ADAMTS18: variants seen among roughly 807,000 people sequenced by gnomAD.
ADAMTS18 encodes the protein A disintegrin and metalloproteinase with thrombospondin motifs 18.
In ADAMTS18, 157 loss-of-function variants were observed where a neutral mutation model predicts 165.9. The observed-to-expected ratio is 0.95, with a 90% CI of 0.83 to 1.08. ADAMTS18 has a LOEUF of 1.08. Ranked by LOEUF, ADAMTS18 falls within the 50% of genes least tolerant of loss-of-function variation. The pLI is 0.00. For synonymous variants in ADAMTS18, 782 were observed against 578.2 expected, an observed-to-expected ratio of 1.35 and a Z score of -5.06; for missense variants, 2,040 against 1,534.0, an observed-to-expected ratio of 1.33 and a Z score of -5.51.
At chr16:77,384,953 A>C (rs2057085608) in intron 3 of ADAMTS18, among the ~76,000 whole-genome samples, 1 of 150,612 alleles carries the variant, frequency 6.6e-6, no homozygotes, top group Non-Finnish European at 1.5e-5. Context: ...TCTGTTGCCC[A>C]AGCTGGAATG....
intron 4 of ADAMTS18, 107 bp from the exon 5 acceptor site, chr16:77,364,488 C>T: frequency 7.8e-7 from 1 of 1,276,180 alleles, no homozygotes; most frequent in South Asian, 1.3e-5. Flanking sequence ...GTAACCAACA[C>T]ACCACCAATC....
At position 77,297,197 on chromosome 16, in the gene ADAMTS18, G is replaced by T. The variant is rs538735514; in HGVS notation, c.2801+92C>A. The T allele has an allele frequency of 4.6e-6, 7 of 1,520,120 alleles. No individual in the cohort carries two copies. The African/African-American group carries it at 5.5e-5, about 12-fold the overall frequency. The allele number at this position is 1,520,120 out of a possible 1,614,324, so 94.2% of individuals were successfully genotyped here. A position where few individuals can be genotyped will look rare whatever the true frequency, so the allele number is the denominator to read the frequency against. ...TCTACCTTTGAATCACTTTCCATTA[G>T]CAGTATTCACAGTGAGCTTTCATCA... On this transcript the variant is annotated intron_variant, in intron 18 of 22. Coordinates refer to ENST00000282849, the MANE Select transcript of ADAMTS18 (RefSeq NM_199355.4).
intron 3 of ADAMTS18, among the ~76,000 whole-genome samples, chr16:77,429,233 C>T (rs1292712131): frequency 6.6e-6 from 1 of 152,186 alleles, no homozygotes; most frequent in South Asian, 2.1e-4. Context: ...GGTACATATA[C>T]ACCATGGAAT....
chr16:77,330,504 G>A (rs374961112), intron 12 of ADAMTS18, among the ~76,000 whole-genome samples: 21 of 152,290 alleles, frequency 1.4e-4, no homozygotes, highest in South Asian at 1.0e-3. Context: ...TTACTCATCT[G>A]TGAAATAATT....
At chr16:77,339,736 T>G (rs7202576) in intron 11 of ADAMTS18, among the ~76,000 whole-genome samples, 17 of 151,886 alleles carry the variant, frequency 1.1e-4, no homozygotes, top group African/African-American at 4.1e-4. Flanking sequence ...GGCCCCAACA[T>G]TTCTATTAAC....
chr16:77,398,724 G>A (rs181932469), intron 3 of ADAMTS18, among the ~76,000 whole-genome samples: 6 of 152,184 alleles, frequency 3.9e-5, no homozygotes, highest in Non-Finnish European at 5.9e-5. Flanking sequence ...TACACACCCC[G>A]AAATATGATA....
intron 6 of ADAMTS18, among the ~76,000 whole-genome samples, chr16:77,362,763 A>T (rs971326672): frequency 6.6e-6 from 1 of 152,180 alleles, no homozygotes; most frequent in Admixed American, 6.5e-5. Flanking sequence ...GAGAGGACCT[A>T]CCCTTAAAAT....
chr16:77,389,966 A>G (rs2057163663), intron 3 of ADAMTS18, among the ~76,000 whole-genome samples: 1 of 152,244 alleles, frequency 6.6e-6, no homozygotes, highest in Non-Finnish European at 1.5e-5. Flanking sequence ...ACTGATGTTC[A>G]GCCAACACTG....
intron 3 of ADAMTS18, among the ~76,000 whole-genome samples, chr16:77,403,912 C>A (rs1271654589): frequency 6.6e-6 from 1 of 152,104 alleles, no homozygotes; most frequent in African/African-American, 2.4e-5. Context: ...AGAGGGTTGG[C>A]TGGGAAGGAA....
chr16:77,291,231 T>C (rs753045901), intron 21 of ADAMTS18, 35 bp downstream of exon 21: 23 of 1,611,032 alleles, frequency 1.4e-5, no homozygotes, highest in Non-Finnish European at 1.7e-5. Context: ...GACATCTCAC[T>C]TGAATAGACA....
chr16:77,320,115 T>C, intron 15 of ADAMTS18, 22 bp from the exon 16 acceptor site: 1 of 1,613,984 alleles, frequency 6.2e-7, no homozygotes, highest in African/African-American at 1.3e-5. Flanking sequence ...GAAGAGAACA[T>C]GTCTGAATTC....
chr16:77,299,763 C>G lies in ADAMTS18; in HGVS notation c.2674+500G>C, dbSNP rs16945480. On this transcript the variant is annotated intron_variant, in intron 17 of 22. Transcript: ENST00000282849. The stretch of plus-strand genomic sequence containing the variant: ...TTGCAAGGGTTGTCTCAGATTTAAT[C>G]CATTCCTCTAGTGAGAGAACCTTTG... Among the ~76,000 whole-genome samples the G allele has an allele frequency of 5.7e-3, 862 of 152,304 alleles. 10 individuals are homozygous for G. Among genetic ancestry groups the G allele is most frequent in the African/African-American group, 0.02 (836 of 41,546 alleles).
chr16:77,374,048 A>G (rs1259666532), intron 3 of ADAMTS18, among the ~76,000 whole-genome samples: 1 of 152,022 alleles, frequency 6.6e-6, no homozygotes, highest in African/African-American at 2.4e-5. Context: ...GTGAAACCTC[A>G]TCTCTACTAA....
chr16:77,348,418 C>T (rs62043573), intron 10 of ADAMTS18, among the ~76,000 whole-genome samples: 11 of 151,984 alleles, frequency 7.2e-5, no homozygotes, highest in South Asian at 6.2e-4. Context: ...GTCTCCCATC[C>T]GAGGCAGGCA....
At chr16:77,393,056 T>C (rs557813504) in intron 3 of ADAMTS18, among the ~76,000 whole-genome samples, 48 of 152,302 alleles carry the variant, frequency 3.2e-4, no homozygotes, top group African/African-American at 1.1e-3. Flanking sequence ...CTGGTCATGA[T>C]TTCACTGAAA....
At chr16:77,425,617 G>A (rs993652388) in intron 3 of ADAMTS18, among the ~76,000 whole-genome samples, 1 of 152,126 alleles carries the variant, frequency 6.6e-6, no homozygotes, top group Non-Finnish European at 1.5e-5. Context: ...CTTAAGCAAG[G>A]GGTGCATTTC....
intron 20 of ADAMTS18, among the ~76,000 whole-genome samples, chr16:77,292,024 G>T (rs2055373622): frequency 6.6e-6 from 1 of 152,206 alleles, no homozygotes; most frequent in African/African-American, 2.4e-5. Flanking sequence ...TATCCTTTTA[G>T]GCTGGGTGCA....
rs7187772 is a variant in ADAMTS18, at chr16:77,360,967, A to T, written c.1216+1138T>A. 8.3e-3 allele frequency among the ~76,000 whole-genome samples: 1,264 copies of T among 152,030 alleles called. 21 individuals are homozygous for T. Among genetic ancestry groups the T allele is most frequent in the African/African-American group, 0.029 (1,201 of 41,466 alleles). ...CAGGTGTGGTGGTGGGTGCCTGTAA[A>T]CCCAGCTACTCTGGAGGCTGAGGCA... On this transcript the variant is annotated intron_variant, in intron 7 of 22. Coordinates refer to ENST00000282849, the MANE Select transcript of ADAMTS18 (RefSeq NM_199355.4).
At chr16:77,384,308 C>A (rs1194859532) in intron 3 of ADAMTS18, among the ~76,000 whole-genome samples, 1 of 152,172 alleles carries the variant, frequency 6.6e-6, no homozygotes, top group Non-Finnish European at 1.5e-5. Flanking sequence ...ATTTACACAG[C>A]CCCCTCGTAG....
Sources: gnomAD v4.1 joint callset for allele counts (sites outside exome capture counted in the v4.1 genomes callset) on GRCh38, gnomAD v4.1.1 for gene constraint, MANE v1.5 for transcripts, NCBI Gene and HGNC (gene_info 2026-07-23, HGNC 2026-07-21) for gene names.